Variants in TAMM41 observed in about 807,000 individuals in gnomAD.
TAMM41 encodes TAM41 mitochondrial translocator assembly and maintenance homolog.
In TAMM41, 36 loss-of-function variants were observed where a neutral mutation model predicts 44.1. That is an observed-to-expected ratio of 0.82 (90% CI 0.63 to 1.08). The LOEUF is 1.08. Ranked by LOEUF, TAMM41 falls within the 50% of genes least tolerant of loss-of-function variation. The pLI, the probability that TAMM41 is intolerant of heterozygous loss-of-function variation, is 0.00. For missense variants in TAMM41, 417 were observed against 404.3 expected, an observed-to-expected ratio of 1.03 and a Z score of -0.27; for synonymous variants, 164 against 153.1, an observed-to-expected ratio of 1.07 and a Z score of -0.53.
chr3:11,784,049 G>A, the TAMM41 span, among the ~76,000 whole-genome samples: 4 of 152,140 alleles, frequency 2.6e-5, no homozygotes, highest in Middle Eastern at 3.2e-3. Context: ...ACAACAACCC[G>A]ATACAGACAG....
intron 3 of TAMM41, among the ~76,000 whole-genome samples, chr3:11,830,161 T>A (rs1164287140): frequency 6.6e-6 from 1 of 152,202 alleles, no homozygotes; most frequent in African/African-American, 2.4e-5. Context: ...CTTTGGAAAC[T>A]TTAATATTTT....
chr3:11,743,385 G>A, the TAMM41 span, among the ~76,000 whole-genome samples: 28 of 150,370 alleles, frequency 1.9e-4, no homozygotes, highest in Admixed American at 1.7e-3. Flanking sequence ...CCAGGCTGGA[G>A]TGCAGTCGCA....
chr3:11,766,708 G>C, the TAMM41 span, among the ~76,000 whole-genome samples: 4 of 150,908 alleles, frequency 2.7e-5, no homozygotes, highest in South Asian at 8.4e-4. Flanking sequence ...CTGGGACCAG[G>C]TGTGTGCACT....
At chr3:11,816,298 A>G (rs192325589) in intron 5 of TAMM41, among the ~76,000 whole-genome samples, 15 of 152,262 alleles carry the variant, frequency 9.9e-5, no homozygotes, top group Admixed American at 9.2e-4. Context: ...TACCTTGATA[A>G]GAAAGTTTTA....
intron 5 of TAMM41, among the ~76,000 whole-genome samples, chr3:11,812,295 C>T (rs1438448492): frequency 6.6e-6 from 1 of 152,142 alleles, no homozygotes; most frequent in Non-Finnish European, 1.5e-5. Context: ...TGAGCACCAC[C>T]TGTAGACCTA....
intron 3 of TAMM41, among the ~76,000 whole-genome samples, chr3:11,835,550 T>C (rs1333733518): frequency 6.6e-6 from 1 of 152,236 alleles, no homozygotes; most frequent in African/African-American, 2.4e-5. Context: ...TTTTGTTTTA[T>C]AAGGATATAA....
the TAMM41 span, among the ~76,000 whole-genome samples, chr3:11,781,849 G>A: frequency 7.4e-4 from 113 of 152,136 alleles, 1 homozygote; most frequent in East Asian, 0.02. Context: ...GGAAGTCACA[G>A]CCTGCCTGGG....
chr3:11,786,014 G>A (rs182438093), downstream of TAMM41, among the ~76,000 whole-genome samples: 1 of 152,092 alleles, frequency 6.6e-6, no homozygotes, highest in African/African-American at 2.4e-5. Flanking sequence ...CTAATGCTGT[G>A]TACAAGTCTT....
At chr3:11,803,370 T>C (rs938968105) in intron 7 of TAMM41, among the ~76,000 whole-genome samples, 1 of 151,472 alleles carries the variant, frequency 6.6e-6, no homozygotes, top group Admixed American at 6.6e-5. Context: ...AGCAACAGAG[T>C]GAGGCAGTTG....
At chr3:11,754,545 T>A in the TAMM41 span, among the ~76,000 whole-genome samples, 196 of 103,186 alleles carry the variant, frequency 1.9e-3, no homozygotes, top group African/African-American at 7.6e-3. Context: ...TTAAAAAAAT[T>A]TTTTATAGAG....
chr3:11,801,806 C>T (rs935525262), intron 7 of TAMM41, among the ~76,000 whole-genome samples: 10 of 151,808 alleles, frequency 6.6e-5, no homozygotes, highest in South Asian at 2.1e-4. Flanking sequence ...AAAAATATAA[C>T]GAAAACTATA....
chr3:11,840,804 G>C (rs2079402040), intron 2 of TAMM41, among the ~76,000 whole-genome samples: 2 of 152,216 alleles, frequency 1.3e-5, no homozygotes, highest in South Asian at 4.1e-4. Flanking sequence ...CTAAAGCTCA[G>C]AGACAACAAA....
chr3:11,764,757 G>A, the TAMM41 span, among the ~76,000 whole-genome samples: 38 of 152,006 alleles, frequency 2.5e-4, no homozygotes, highest in Admixed American at 2.0e-4. Context: ...CTCCCAAAGT[G>A]CTGGGATCAC....
At chr3:11,768,111 A>G in the TAMM41 span, among the ~76,000 whole-genome samples, 368 of 149,258 alleles carry the variant, frequency 2.5e-3, 11 homozygotes, top group East Asian at 0.057. Flanking sequence ...GGCCATTTGC[A>G]TATCTTCTTT....
At chr3:11,759,388 T>C in the TAMM41 span, among the ~76,000 whole-genome samples, 1 of 151,674 alleles carries the variant, frequency 6.6e-6, no homozygotes, top group Non-Finnish European at 1.5e-5. Flanking sequence ...AGATGCCAAC[T>C]CTGCTTGGAA....
At chr3:11,774,141 A>T in the TAMM41 span, among the ~76,000 whole-genome samples, 1 of 152,174 alleles carries the variant, frequency 6.6e-6, no homozygotes, top group African/African-American at 2.4e-5. Flanking sequence ...TCATCATCTT[A>T]TGCAAAGGAA....
chr3:11,807,659 C>T (rs1281576768), intron 7 of TAMM41, 174 bp downstream of exon 7: 3 of 1,536,212 alleles, frequency 2.0e-6, no homozygotes, highest in Non-Finnish European at 2.6e-6. Flanking sequence ...GTTCGACCAC[C>T]AGGTTCTGCT....
At chr3:11,770,899 AGGG>A in the TAMM41 span, among the ~76,000 whole-genome samples, 1 of 152,210 alleles carries the variant, frequency 6.6e-6, no homozygotes, top group Admixed American at 6.5e-5. Flanking sequence ...CTCTCCCCAG[AGGG>A]CTGGAGGGCC....
At chr3:11,786,284 A>ATTT (rs1553564663), downstream of TAMM41, among the ~76,000 whole-genome samples, 1 of 70,952 alleles carries the variant, frequency 1.4e-5, no homozygotes, top group African/African-American at 4.9e-5. Flanking sequence ...TATTTATTTA[A>ATTT]TTTTATTATT....
Sources: allele counts gnomAD v4.1 joint callset (sites outside exome capture counted in the v4.1 genomes callset), GRCh38; gene constraint gnomAD v4.1.1; transcripts MANE v1.5; gene names NCBI Gene and HGNC (gene_info 2026-07-23, HGNC 2026-07-21).